The following PPP2R1A variants were observed in gnomAD, a reference collection of about 807,000 sequenced individuals.
PPP2R1A encodes protein phosphatase 2 scaffold subunit Aalpha.
In PPP2R1A, 15 loss-of-function variants were observed where a neutral mutation model predicts 67.1. The ratio of observed to expected loss-of-function variants is 0.22; its 90% confidence interval spans 0.15 to 0.34. The LOEUF (loss-of-function observed/expected upper bound fraction) is 0.34, where lower values mean the gene tolerates loss of function less well. Ranked by LOEUF, PPP2R1A falls within the 10% of genes least tolerant of loss-of-function variation. The pLI is 1.00. For synonymous variants in PPP2R1A, 337 were observed against 325.0 expected, an observed-to-expected ratio of 1.04 and a Z score of -0.40; for missense variants, 369 against 775.0, an observed-to-expected ratio of 0.48 and a Z score of 6.22.
rs551139740 is a variant in PPP2R1A at position 52,226,079 on chromosome 19, C to T, written c.*98C>T. The T allele has an allele frequency of 6.4e-7, 1 of 1,572,840 alleles. No homozygotes were observed. Among genetic ancestry groups the T allele is most frequent in the South Asian group, 1.1e-5 (1 of 89,804 alleles). On this transcript the variant is annotated 3_prime_UTR_variant, in exon 15 of 15. Coordinates refer to ENST00000322088, the MANE Select transcript of PPP2R1A (RefSeq NM_014225.6). ...ACTGGGGGGCCTTTGGCTGTCACTCCCTGTGCATGGTCTGACCCCAGGCCC... is the reference window on the plus strand; with the variant it reads ...ACTGGGGGGCCTTTGGCTGTCACTCTCTGTGCATGGTCTGACCCCAGGCCC...
intron 13 of PPP2R1A, among the ~76,000 whole-genome samples, chr19:52,223,474 TTA>T (rs1041194868): frequency 6.6e-6 from 1 of 152,186 alleles, no homozygotes; most frequent in Non-Finnish European, 1.5e-5. Context: ...GGAAGATGTT[TTA>T]ATATATGTTT....
At chr19:52,190,314 G>A in intron 1 of PPP2R1A, 140 bp downstream of exon 1, 2 of 1,032,820 alleles carry the variant, frequency 1.9e-6, no homozygotes, top group South Asian at 1.6e-5. Flanking sequence ...TTATCTCCCC[G>A]GTTGCCCGGA....
At chr19:52,190,432 C>T (rs1568583203) in intron 1 of PPP2R1A, 2 of 562,108 alleles carry the variant, frequency 3.6e-6, no homozygotes, top group Non-Finnish European at 6.4e-6. Flanking sequence ...GTCCGCGGTC[C>T]TGGGAGGTTG....
rs1250956790 is a variant in PPP2R1A at position 52,211,995 on chromosome 19, C to A, written c.503+503C>A. On this transcript the variant is annotated intron_variant, in intron 4 of 14. Coordinates refer to ENST00000322088, the MANE Select transcript of PPP2R1A (RefSeq NM_014225.6). The surrounding 1 kb of genome is among the most constrained non-coding windows in gnomAD (Gnocchi z 5.3). ...GGCTGTACACTTGCTTAGATACTTA[C>A]ACTGGCCCCCACCGCCTTTGATCGA... 9.2e-5 allele frequency among the ~76,000 whole-genome samples: 14 copies of A among 152,206 alleles called. No individual in the cohort carries two copies. The highest frequency in any genetic ancestry group is 2.9e-4 in the African/African-American group (12 of 41,452).
At chr19:52,218,384 A>T (rs565379275) in intron 9 of PPP2R1A, among the ~76,000 whole-genome samples, 24 of 152,310 alleles carry the variant, frequency 1.6e-4, no homozygotes, top group African/African-American at 5.8e-4. Flanking sequence ...TAGCCCCAGA[A>T]TTACAGTGAA....
At chr19:52,199,587 A>G (rs1355691651) in intron 1 of PPP2R1A, among the ~76,000 whole-genome samples, 2 of 152,242 alleles carry the variant, frequency 1.3e-5, no homozygotes, top group East Asian at 3.8e-4. Flanking sequence ...TTTTGCAAGT[A>G]AAGTTATTGG....
chr19:52,216,381 T>A lies in PPP2R1A; in HGVS notation c.994-148T>A. 9.2e-7 allele frequency: 1 copy of A among 1,087,494 alleles called. No individual in the cohort carries two copies. The highest frequency in any genetic ancestry group is 1.3e-6 in the Non-Finnish European group (1 of 764,724). 67.4% of individuals were successfully genotyped at this position (1,087,494 alleles called of 1,614,324 possible). A position where few individuals can be genotyped will look rare whatever the true frequency, so the allele number is the denominator to read the frequency against. ...AGTAGGTGGTACTCATAAGGAATAG[T>A]GATTTCCCCTGTACCCTAAGCCATC... On this transcript the variant is annotated intron_variant, in intron 8 of 14. Coordinates refer to ENST00000322088, the MANE Select transcript of PPP2R1A (RefSeq NM_014225.6). The surrounding 1 kb of genome is among the most constrained non-coding windows in gnomAD (Gnocchi z 4.3).
chr19:52,210,903 C>T (rs2089661759), intron 3 of PPP2R1A, among the ~76,000 whole-genome samples: 1 of 152,120 alleles, frequency 6.6e-6, no homozygotes, highest in African/African-American at 2.4e-5. Flanking sequence ...AGTAGATGTT[C>T]TACACAGTGT....
rs1377540471 is a variant in PPP2R1A at position 52,206,049 on chromosome 19, G to A, written c.256G>A (p.Val86Met). The A allele has an allele frequency of 4.3e-6, 7 of 1,614,046 alleles. No homozygotes were observed. The highest frequency in any genetic ancestry group is 5.9e-6 in the Non-Finnish European group (7 of 1,179,892). ...FTTLVGGPEY[V>M]HCLLPPLESL... ...TACCCTGGTGGGAGGCCCAGAGTAC[G>A]TGCACTGCCTGCTGGTGAGTGGAAG... Residue 86 changes from valine to methionine, a missense_variant, in exon 3 of 15, where the codon GTG becomes ATG. Physicochemically the swap from Val to Met is conservative, Grantham distance 21 (BLOSUM62 1). Around this residue, in one of 2 missense-constraint regions of PPP2R1A, gnomAD observed 93 missense variants for 266.5 expected, o/e 0.35. Transcript: ENST00000322088.
chr19:52,202,163 G>T, intron 2 of PPP2R1A, 129 bp downstream of exon 2: 1 of 744,738 alleles, frequency 1.3e-6, no homozygotes, highest in Non-Finnish European at 2.2e-6. Context: ...ACTATGGAGT[G>T]GGAAAAGGGA....
intron 1 of PPP2R1A, among the ~76,000 whole-genome samples, chr19:52,194,714 A>G (rs2122282062): frequency 1.3e-5 from 2 of 152,210 alleles, no homozygotes; most frequent in South Asian, 4.1e-4. Context: ...GTGCCCCTGG[A>G]GCAGTACTTT....
chr19:52,212,734 C>T lies in PPP2R1A; in HGVS notation c.552C>T (p.Ala184=), dbSNP rs772009912. 4.5e-5 allele frequency: 72 copies of T among 1,613,938 alleles called. No individual in the cohort carries two copies. The highest frequency in any genetic ancestry group is 3.3e-4 in the Middle Eastern group (2 of 6,084). ...ATGACACCCCCATGGTGCGGCGGGC[C>T]GCAGCCTCCAAGCTGGGGGAGTTTG... is the stretch of plus-strand genomic sequence containing the variant. The part of the protein sequence containing the change: ...CSDDTPMVRR[A]AASKLGEFAK... Residue 184 remains alanine, a synonymous_variant, in exon 5 of 15, where the codon GCC becomes GCT. Coordinates refer to ENST00000322088, the MANE Select transcript of PPP2R1A (RefSeq NM_014225.6). This position sits in a 1 kb window ranked among gnomAD's most constrained non-coding sequence, Gnocchi z 4.1.
intron 1 of PPP2R1A, among the ~76,000 whole-genome samples, chr19:52,196,792 C>T (rs2089500148): frequency 6.6e-6 from 1 of 152,152 alleles, no homozygotes; most frequent in Admixed American, 6.5e-5. Context: ...CTCCATTCTA[C>T]CCTCCGTGTC....
At chr19:52,207,911 AC>A (rs1369782542) in intron 3 of PPP2R1A, among the ~76,000 whole-genome samples, 4 of 152,086 alleles carry the variant, frequency 2.6e-5, no homozygotes, top group African/African-American at 9.7e-5. Context: ...AAGGCGCCTA[AC>A]CTGCTTAGGT....
chr19:52,215,270 C>G (rs1043983490), intron 6 of PPP2R1A, among the ~76,000 whole-genome samples: 1 of 152,116 alleles, frequency 6.6e-6, no homozygotes. Context: ...GTTGCCCGGG[C>G]TGGTCTTGTT....
At chr19:52,223,086 A>G (rs1979040922) in intron 13 of PPP2R1A, among the ~76,000 whole-genome samples, 1 of 152,232 alleles carries the variant, frequency 6.6e-6, no homozygotes, top group African/African-American at 2.4e-5. Flanking sequence ...GCATATTTAA[A>G]TCGCCCAATA....
At position 52,190,092 on chromosome 19, in the gene PPP2R1A, C is replaced by G; in HGVS notation, c.-5C>G. On this transcript the variant is annotated 5_prime_UTR_variant, in exon 1 of 15. Coordinates refer to ENST00000322088, the MANE Select transcript of PPP2R1A (RefSeq NM_014225.6). ...GCAGTCTGACAGGAAAGGGACGGAG[C>G]CAAGATGGCGGCGGCCGACGGCGAC... 3.2e-6 allele frequency: 5 copies of G among 1,550,090 alleles called. No individual in the cohort carries two copies. The highest frequency in any genetic ancestry group is 3.5e-6 in the Non-Finnish European group (4 of 1,146,468).
chr19:52,215,769 C>T lies in PPP2R1A; in HGVS notation c.808-10C>T, dbSNP rs752680419. ...CCTCTCACTCTCCCCCTCCTCCTTC[C>T]TGTCTGCAGCTCCAGAAAGCAGTGG... is the stretch of plus-strand genomic sequence containing the variant. On this transcript the variant is annotated splice_polypyrimidine_tract_variant and intron_variant, in intron 6 of 14. Transcript: ENST00000322088. The T allele has an allele frequency of 6.7e-5, 108 of 1,611,740 alleles. No individual in the cohort carries two copies. The highest frequency in any genetic ancestry group is 8.8e-5 in the Non-Finnish European group (104 of 1,177,954).
rs182753967 is a variant in PPP2R1A at position 52,228,036 on chromosome 19, A to G, written c.*2055A>G. On this transcript the variant is annotated 3_prime_UTR_variant, in exon 15 of 15. Coordinates refer to ENST00000322088, the MANE Select transcript of PPP2R1A (RefSeq NM_014225.6). ...AAGTTAGAGAAGTCCTGCCTTAAAT[A>G]CTAACCCAGTTTTTCTCTCTTGAGA... 2 of 152,326 alleles carry G rather than the reference A, an allele frequency of 1.3e-5. No homozygotes were observed. The highest frequency in any genetic ancestry group is 3.9e-4 in the East Asian group (2 of 5,174). 9.4% of individuals were successfully genotyped at this position (152,326 alleles called of 1,614,324 possible).
Sources: gnomAD v4.1 joint callset for allele counts (sites outside exome capture counted in the v4.1 genomes callset) on GRCh38, gnomAD v4.1.1 for gene constraint, gnomAD v4.1.1 regional missense constraint, Gnocchi (gnomAD v3.1) non-coding constraint, MANE v1.5 for transcripts, NCBI Gene and HGNC (gene_info 2026-07-23, HGNC 2026-07-21) for gene names.